Variants in POU2F1 observed in about 807,000 individuals in gnomAD.
POU2F1 encodes the protein POU domain, class 2, transcription factor 1.
POU2F1 carries 16 observed loss-of-function variants against 84.9 expected under a neutral mutation model. The observed-to-expected ratio is 0.19, with a 90% CI of 0.13 to 0.29. The LOEUF (loss-of-function observed/expected upper bound fraction) is 0.29. Among genes scored for constraint, POU2F1 ranks in the 10% least tolerant of loss-of-function variants. The pLI, the probability that POU2F1 is intolerant of heterozygous loss-of-function variation, is 1.00. For missense variants in POU2F1, 738 were observed against 942.6 expected (o/e 0.78, Z 2.84); for synonymous variants, 368 against 368.3 (o/e 1.00, Z 0.01).
chr1:167,292,905 C>A (rs1654023924), intron 1 of POU2F1, among the ~76,000 whole-genome samples: 1 of 152,034 alleles, frequency 6.6e-6, no homozygotes, highest in South Asian at 2.1e-4. Context: ...AAACAAAAAC[C>A]ATACGACCGT....
Position 167,371,835 on chromosome 1 carries a change from G to C in POU2F1, c.283-82G>C. 2.6e-6 allele frequency: 4 copies of C among 1,560,100 alleles called. No individual in the cohort carries two copies. In the South Asian group the frequency reaches 4.5e-5, roughly 17 times the overall value. Reference sequence around the variant, plus strand: ...GACTGAATAAGCTCATGTTTTAAATGATTCCTAAAAGATGGGGTTTTAAGT... The same window carrying C: ...GACTGAATAAGCTCATGTTTTAAATCATTCCTAAAAGATGGGGTTTTAAGT... On this transcript the variant is annotated intron_variant, in intron 4 of 15. Coordinates refer to ENST00000367866, the MANE Select transcript of POU2F1 (RefSeq NM_002697.4).
intron 1 of POU2F1, among the ~76,000 whole-genome samples, chr1:167,312,092 G>A (rs1299917824): frequency 3.3e-5 from 5 of 151,702 alleles, no homozygotes; most frequent in South Asian, 2.1e-4. Context: ...GCGCCACCAC[G>A]CTCGGCTAAT....
intron 2 of POU2F1, among the ~76,000 whole-genome samples, chr1:167,363,266 A>G (rs1208730009): frequency 6.7e-6 from 1 of 149,950 alleles, no homozygotes; most frequent in Admixed American, 6.6e-5. Flanking sequence ...TCCTATTAGT[A>G]GTGTGTTAAT....
intron 1 of POU2F1, among the ~76,000 whole-genome samples, chr1:167,230,231 T>C (rs927418957): frequency 3.8e-4 from 58 of 152,226 alleles, no homozygotes; most frequent in African/African-American, 1.4e-3. Context: ...TGTGAGAACC[T>C]TTACTCACAC....
At chr1:167,399,482 A>G (rs1043888467) in intron 12 of POU2F1, 117 bp downstream of exon 12, 2 of 880,862 alleles carry the variant, frequency 2.3e-6, no homozygotes, top group Non-Finnish European at 3.4e-6. Context: ...CATCAAATAA[A>G]TGCATGTAAA....
At chr1:167,294,479 A>G (rs1654153047) in intron 1 of POU2F1, among the ~76,000 whole-genome samples, 1 of 152,254 alleles carries the variant, frequency 6.6e-6, no homozygotes, top group Non-Finnish European at 1.5e-5. Context: ...GAGTACACAG[A>G]CAACCCACAA....
At chr1:167,243,273 A>C (rs1650048085) in intron 1 of POU2F1, among the ~76,000 whole-genome samples, 1 of 152,228 alleles carries the variant, frequency 6.6e-6, no homozygotes, top group Non-Finnish European at 1.5e-5. Flanking sequence ...CACTTAAGAA[A>C]ATCTAGGCTC....
intron 1 of POU2F1, among the ~76,000 whole-genome samples, chr1:167,259,028 A>G (rs1480864081): frequency 6.6e-6 from 1 of 152,206 alleles, no homozygotes; most frequent in African/African-American, 2.4e-5. Context: ...TGGGTCAGCT[A>G]GGTGATTCTG....
At chr1:167,346,133 C>G (rs1405773873) in intron 2 of POU2F1, among the ~76,000 whole-genome samples, 1 of 151,914 alleles carries the variant, frequency 6.6e-6, no homozygotes, top group Non-Finnish European at 1.5e-5. Context: ...CATGATTGCG[C>G]CACTGCACTC....
At chr1:167,349,745 A>G (rs1322706880) in intron 2 of POU2F1, among the ~76,000 whole-genome samples, 1 of 152,196 alleles carries the variant, frequency 6.6e-6, no homozygotes, top group Admixed American at 6.5e-5. Flanking sequence ...GCTATGTGAT[A>G]TTCCTGGTTC....
At chr1:167,314,702 A>G (rs1047046798) in intron 1 of POU2F1, among the ~76,000 whole-genome samples, 5 of 152,052 alleles carry the variant, frequency 3.3e-5, no homozygotes, top group African/African-American at 1.2e-4. Flanking sequence ...TGAGCTCAGG[A>G]GGTTGAGGCT....
At chr1:167,402,496 T>G (rs953189248) in intron 13 of POU2F1, among the ~76,000 whole-genome samples, 1 of 152,218 alleles carries the variant, frequency 6.6e-6, no homozygotes, top group Non-Finnish European at 1.5e-5. Flanking sequence ...TAATTTTTGC[T>G]TATGTTAAAC....
chr1:167,283,729 C>CA (rs1653331188), intron 1 of POU2F1, among the ~76,000 whole-genome samples: 1 of 152,082 alleles, frequency 6.6e-6, no homozygotes, highest in Non-Finnish European at 1.5e-5. Flanking sequence ...CTGGTATTAA[C>CA]ATGTGAAGAA....
intron 1 of POU2F1, among the ~76,000 whole-genome samples, chr1:167,285,275 G>C (rs557707243): frequency 6.6e-6 from 1 of 152,160 alleles, no homozygotes; most frequent in African/African-American, 2.4e-5. Context: ...ATGTTTACCC[G>C]GTAAAAAATG....
intron 13 of POU2F1, among the ~76,000 whole-genome samples, chr1:167,404,530 A>G (rs745789974): frequency 1.7e-4 from 26 of 152,276 alleles, no homozygotes; most frequent in Middle Eastern, 6.8e-3. Context: ...GCAAGTACCT[A>G]CACTAGAATC....
intron 8 of POU2F1, among the ~76,000 whole-genome samples, chr1:167,384,825 A>G (rs951237510): frequency 2.0e-5 from 3 of 152,170 alleles, no homozygotes; most frequent in African/African-American, 7.2e-5. Context: ...CTTTTATTCC[A>G]CATTATACTC....
rs141636177 is a variant in POU2F1 at position 167,389,929 on chromosome 1, T to C, written c.987+168T>C. ...TGTACTGAACATGTATAGACTTTTTTCTTGCCATTATTTCCTAAACAATAC... is the reference window on the plus strand; with the variant it reads ...TGTACTGAACATGTATAGACTTTTTCCTTGCCATTATTTCCTAAACAATAC... On this transcript the variant is annotated intron_variant, in intron 9 of 15. Transcript: ENST00000367866. 9.2e-3 allele frequency among the ~76,000 whole-genome samples: 1,401 copies of C among 152,334 alleles called. 19 individuals are homozygous for C. Among genetic ancestry groups the C allele is most frequent in the African/African-American group, 0.032 (1,311 of 41,558 alleles).
chr1:167,423,246 G>A lies in POU2F1; in HGVS notation c.*7436G>A, dbSNP rs533729692. ...CAAATGTTTTTATATATGGGCTCTAGGGAGTCAGGTAGTTCATTGTTTCGG... is the reference window on the plus strand; with the variant it reads ...CAAATGTTTTTATATATGGGCTCTAAGGAGTCAGGTAGTTCATTGTTTCGG... On this transcript the variant is annotated 3_prime_UTR_variant, in exon 16 of 16. Coordinates refer to ENST00000367866, the MANE Select transcript of POU2F1 (RefSeq NM_002697.4). The A allele has an allele frequency of 9.9e-5, 15 of 152,146 alleles. No homozygotes were observed. The highest frequency in any genetic ancestry group is 2.1e-4 in the Non-Finnish European group (14 of 68,018). 9.4% of individuals were successfully genotyped at this position (152,146 alleles called of 1,614,324 possible).
intron 8 of POU2F1, among the ~76,000 whole-genome samples, chr1:167,389,162 A>G (rs532756378): frequency 7.2e-5 from 11 of 152,302 alleles, no homozygotes; most frequent in African/African-American, 2.6e-4. Context: ...TTTTTATAAT[A>G]CTGTGTCACA....
Sources: allele counts gnomAD v4.1 joint callset (sites outside exome capture counted in the v4.1 genomes callset), GRCh38; gene constraint gnomAD v4.1.1; transcripts MANE v1.5; gene names NCBI Gene and HGNC (gene_info 2026-07-23, HGNC 2026-07-21).